Variants in XKR9 observed in about 807,000 individuals in gnomAD.
XKR9 encodes the protein XK related 9, also known as XK-related protein 9.
In XKR9, 32 loss-of-function variants were observed where a neutral mutation model predicts 32.0. That is an observed-to-expected ratio of 1.00 (90% CI 0.76 to 1.34). XKR9 has a LOEUF of 1.34. Ranked by LOEUF, XKR9 falls within the 40% of genes most tolerant of loss-of-function variation. XKR9 has a pLI of 0.00. For missense variants in XKR9, 546 were observed against 429.7 expected, an observed-to-expected ratio of 1.27 and a Z score of -2.39; for synonymous variants, 168 against 143.4, an observed-to-expected ratio of 1.17 and a Z score of -1.22.
At chr8:71,022,866 A>G in the XKR9 span, among the ~76,000 whole-genome samples, 34 of 151,474 alleles carry the variant, frequency 2.2e-4, 1 homozygote, top group African/African-American at 8.2e-4. Context: ...TTTCTTCTTG[A>G]GCTAGTCTAC....
At chr8:70,771,179 C>T (rs1331156699) in intron 2 of XKR9, among the ~76,000 whole-genome samples, 1 of 152,102 alleles carries the variant, frequency 6.6e-6, no homozygotes, top group Non-Finnish European at 1.5e-5. Flanking sequence ...GTTCCCTGAC[C>T]CCTTGTGCTT....
chr8:70,797,719 A>G, the XKR9 span, among the ~76,000 whole-genome samples: 14 of 152,080 alleles, frequency 9.2e-5, no homozygotes, highest in East Asian at 1.4e-3. Flanking sequence ...TCCACCCTCA[A>G]TGAGGCCCTG....
chr8:70,793,866 A>T (rs1244775668), downstream of XKR9, among the ~76,000 whole-genome samples: 8 of 151,934 alleles, frequency 5.3e-5, no homozygotes, highest in African/African-American at 1.9e-4. Flanking sequence ...GAATTTTAGG[A>T]TCAGCTCTCC....
chr8:70,928,400 T>C, the XKR9 span, among the ~76,000 whole-genome samples: 1 of 152,186 alleles, frequency 6.6e-6, no homozygotes, highest in African/African-American at 2.4e-5. Context: ...TGCCATAGCC[T>C]TGTGGACATT....
At chr8:70,773,024 C>T (rs1807474450) in intron 2 of XKR9, among the ~76,000 whole-genome samples, 1 of 152,066 alleles carries the variant, frequency 6.6e-6, no homozygotes, top group Non-Finnish European at 1.5e-5. Flanking sequence ...TTTATTTATA[C>T]ATGTAATGTA....
At chr8:70,737,004 G>A (rs1391108722), downstream of XKR9, among the ~76,000 whole-genome samples, 1 of 152,212 alleles carries the variant, frequency 6.6e-6, no homozygotes, top group South Asian at 2.1e-4. Context: ...ATTCTGTGAA[G>A]AAAGTCATTG....
chr8:71,051,160 A>T, the XKR9 span, among the ~76,000 whole-genome samples: 1 of 152,194 alleles, frequency 6.6e-6, no homozygotes, highest in Non-Finnish European at 1.5e-5. Context: ...CTGTAATTCT[A>T]CTTCTTAATT....
the XKR9 span, among the ~76,000 whole-genome samples, chr8:70,992,354 A>G: frequency 1.3e-5 from 2 of 152,166 alleles, no homozygotes; most frequent in Non-Finnish European, 2.9e-5. Flanking sequence ...CCTTTCCTCT[A>G]CTAGATACTC....
the XKR9 span, among the ~76,000 whole-genome samples, chr8:70,880,725 C>T: frequency 6.6e-5 from 10 of 152,194 alleles, no homozygotes; most frequent in South Asian, 1.9e-3. Context: ...CAATGCCATC[C>T]CCATCAAGCT....
chr8:70,756,373 T>C (rs1015849045), intron 2 of XKR9, among the ~76,000 whole-genome samples: 4 of 152,254 alleles, frequency 2.6e-5, no homozygotes, highest in African/African-American at 9.6e-5. Flanking sequence ...ATATGAATTT[T>C]AGAATCAGCT....
chr8:70,719,888 C>A (rs1806218693), intron 4 of XKR9, among the ~76,000 whole-genome samples: 1 of 152,102 alleles, frequency 6.6e-6, no homozygotes, highest in Admixed American at 6.6e-5. Flanking sequence ...TTACTTTGGG[C>A]AGCATGGCCA....
the XKR9 span, among the ~76,000 whole-genome samples, chr8:71,031,447 C>T: frequency 9.4e-4 from 143 of 152,200 alleles, no homozygotes; most frequent in Non-Finnish European, 2.8e-4. Context: ...CTGAGTCATC[C>T]TAGCCATGGA....
chr8:70,685,036 A>G (rs1169927266), intron 3 of XKR9, among the ~76,000 whole-genome samples: 1 of 146,980 alleles, frequency 6.8e-6, no homozygotes, highest in Non-Finnish European at 1.5e-5. Context: ...CTATAAAGAC[A>G]CGTGCACACG....
the XKR9 span, among the ~76,000 whole-genome samples, chr8:70,874,347 A>G: frequency 6.6e-6 from 1 of 152,192 alleles, no homozygotes; most frequent in Non-Finnish European, 1.5e-5. Flanking sequence ...TGTATTGATG[A>G]AGAAATTTAT....
the XKR9 span, among the ~76,000 whole-genome samples, chr8:70,804,838 C>T: frequency 6.6e-6 from 1 of 152,226 alleles, no homozygotes; most frequent in African/African-American, 2.4e-5. Context: ...GCATATTTCA[C>T]AGACTTTTGG....
the XKR9 span, among the ~76,000 whole-genome samples, chr8:70,871,789 T>G: frequency 6.6e-6 from 1 of 152,178 alleles, no homozygotes; most frequent in Non-Finnish European, 1.5e-5. Context: ...AAGCTGGAAG[T>G]GATTAAGCTA....
At chr8:70,769,244 T>A (rs1807420427) in intron 2 of XKR9, among the ~76,000 whole-genome samples, 1 of 151,742 alleles carries the variant, frequency 6.6e-6, no homozygotes, top group Non-Finnish European at 1.5e-5. Context: ...TTTTTTTTTT[T>A]AAGAATGTTG....
At chr8:70,886,375 G>T in the XKR9 span, among the ~76,000 whole-genome samples, 2 of 152,164 alleles carry the variant, frequency 1.3e-5, no homozygotes, top group African/African-American at 4.8e-5. Context: ...CTTTATAGTA[G>T]AATGATTTAT....
At chr8:70,890,475 A>G in the XKR9 span, among the ~76,000 whole-genome samples, 1 of 151,932 alleles carries the variant, frequency 6.6e-6, no homozygotes, top group African/African-American at 2.4e-5. Flanking sequence ...ATGCTGAGAT[A>G]CACTCCTCCT....
Sources: allele counts gnomAD v4.1 joint callset (sites outside exome capture counted in the v4.1 genomes callset), GRCh38; gene constraint gnomAD v4.1.1; transcripts MANE v1.5; gene names NCBI Gene and HGNC (gene_info 2026-07-23, HGNC 2026-07-21).